PIK3R3: variants seen among roughly 807,000 people sequenced by gnomAD.
PIK3R3 encodes the protein phosphatidylinositol 3-kinase regulatory subunit gamma.
PIK3R3 carries 64 observed loss-of-function variants against 62.9 expected under a neutral mutation model. The observed-to-expected ratio is 1.02, with a 90% CI of 0.83 to 1.25. PIK3R3 has a LOEUF of 1.25. PIK3R3 is among the 50% of genes most tolerant of loss of function. PIK3R3 has a pLI of 0.00. For synonymous variants in PIK3R3, 165 were observed against 189.0 expected (o/e 0.87, Z 1.04); for missense variants, 614 against 561.6 (o/e 1.09, Z -0.94).
At chr1:46,142,976 T>G in the PIK3R3 span, among the ~76,000 whole-genome samples, 2 of 152,206 alleles carry the variant, frequency 1.3e-5, no homozygotes, top group Non-Finnish European at 2.9e-5. Flanking sequence ...TGCAACAACG[T>G]GGGCAAACGA....
upstream of PIK3R3, chr1:46,132,949 G>C (rs1262234004): frequency 1.7e-5 from 19 of 1,148,106 alleles, no homozygotes; most frequent in Non-Finnish European, 2.0e-5. Context: ...CACTCCAGGA[G>C]TCAGTGCCGG....
intron 1 of PIK3R3, among the ~76,000 whole-genome samples, chr1:46,090,304 G>A (rs1209917692): frequency 2.7e-5 from 4 of 145,914 alleles, no homozygotes; most frequent in South Asian, 4.4e-4. Context: ...GCTGTTCTAC[G>A]CAGTCTTTTT....
intron 1 of PIK3R3, among the ~76,000 whole-genome samples, chr1:46,096,157 G>A (rs573321100): frequency 2.8e-4 from 42 of 152,218 alleles, no homozygotes; most frequent in Non-Finnish European, 4.4e-4. Flanking sequence ...ATACACTTAC[G>A]TCATTCAAAT....
chr1:46,080,254 G>A (rs944396700), intron 2 of PIK3R3, among the ~76,000 whole-genome samples: 4 of 151,294 alleles, frequency 2.6e-5, no homozygotes, highest in African/African-American at 9.7e-5. Context: ...TAGAGACAGG[G>A]TTTCACTGTG....
chr1:46,139,647 C>T, the PIK3R3 span, among the ~76,000 whole-genome samples: 4 of 152,192 alleles, frequency 2.6e-5, no homozygotes, highest in Non-Finnish European at 5.9e-5. Flanking sequence ...TCCCTAAGAC[C>T]ATAAGATCAG....
At chr1:46,173,696 G>C in the PIK3R3 span, among the ~76,000 whole-genome samples, 4 of 151,154 alleles carry the variant, frequency 2.6e-5, no homozygotes, top group Admixed American at 6.6e-5. Context: ...GAACCTGAAG[G>C]GGGAGGGGCA....
intron 6 of PIK3R3, among the ~76,000 whole-genome samples, chr1:46,061,486 C>T (rs950895585): frequency 3.9e-5 from 6 of 152,120 alleles, no homozygotes; most frequent in Middle Eastern, 3.2e-3. Context: ...AAAAAATATT[C>T]GATGAGCACC....
the PIK3R3 span, among the ~76,000 whole-genome samples, chr1:46,152,687 C>T: frequency 1.3e-5 from 2 of 151,882 alleles, no homozygotes; most frequent in Admixed American, 1.3e-4. Context: ...CTCAGCCTCC[C>T]GAGTAGCTGG....
rs1164245978 is a variant in PIK3R3 at position 46,092,809 on chromosome 1, C to T, written c.107-12059G>A. Among the ~76,000 whole-genome samples, 4 of 72,710 alleles carry T rather than the reference C, an allele frequency of 5.5e-5. No homozygotes were observed. The East Asian group carries it at 1.4e-3, about 26-fold the overall frequency. 47.7% of individuals were successfully genotyped at this position (72,710 alleles called of 152,430 possible). ...CTTAGTACTTTCTTTCTATCCCATACTGGTCTTCATTTCTCTCTCTCTCAA... is the reference window on the plus strand; with the variant it reads ...CTTAGTACTTTCTTTCTATCCCATATTGGTCTTCATTTCTCTCTCTCTCAA... On this transcript the variant is annotated intron_variant, in intron 1 of 9. Coordinates refer to ENST00000262741, the MANE Select transcript of PIK3R3 (RefSeq NM_003629.4).
Position 46,128,860 on chromosome 1 carries a change from C to G in PIK3R3, c.106+2987G>C, listed in dbSNP as rs564519463. ...CTTTGGGAGGCCGAGGCAGGCAGAT[C>G]ACCTGAGGTCAGGAGTTCGATATCA... On this transcript the variant is annotated intron_variant, in intron 1 of 9. Coordinates refer to ENST00000262741, the MANE Select transcript of PIK3R3 (RefSeq NM_003629.4). Among the ~76,000 whole-genome samples the G allele has an allele frequency of 2.7e-4, 41 of 152,324 alleles. No individual in the cohort carries two copies. The South Asian group carries it at 8.1e-3, about 30-fold the overall frequency.
intron 1 of PIK3R3, among the ~76,000 whole-genome samples, chr1:46,087,250 G>C (rs1651153893): frequency 6.6e-6 from 1 of 151,246 alleles, no homozygotes; most frequent in African/African-American, 2.4e-5. Flanking sequence ...ATGTACTCTA[G>C]AACTTAAAGT....
Position 46,040,384 on chromosome 1 carries a change from A to G in PIK3R3, c.*3289T>C, listed in dbSNP as rs933937826. 1 of 231,320 alleles carries G rather than the reference A, an allele frequency of 4.3e-6. No homozygotes were observed. Among genetic ancestry groups the G allele is most frequent in the Non-Finnish European group, 8.6e-6 (1 of 116,746 alleles). The allele number at this position is 231,320 out of a possible 1,614,324, so 14.3% of individuals were successfully genotyped here. On this transcript the variant is annotated 3_prime_UTR_variant, in exon 10 of 10. Transcript: ENST00000262741. ...TACAGTTGGCTTTCTTGTGAGTCAG[A>G]TATTTTTACGTAAACTACACGAATT... is the stretch of plus-strand genomic sequence containing the variant.
At chr1:46,109,162 CA>C (rs758453256) in intron 1 of PIK3R3, among the ~76,000 whole-genome samples, 4,945 of 70,132 alleles carry the variant, frequency 0.071, 235 homozygotes, top group African/African-American at 0.2. Context: ...GACTCTGTCT[CA>C]AAAAAAAAAA....
chr1:46,099,820 C>T (rs568429113), intron 1 of PIK3R3, among the ~76,000 whole-genome samples: 2 of 152,274 alleles, frequency 1.3e-5, no homozygotes, highest in Admixed American at 6.5e-5. Flanking sequence ...CTAGTTGATA[C>T]TCCACTGTCC....
chr1:46,047,052 T>C (rs1647134089), intron 7 of PIK3R3: 1 of 163,218 alleles, frequency 6.1e-6, no homozygotes, highest in South Asian at 2.0e-4. Context: ...AACTAAAAAC[T>C]TCAAGATCTA....
chr1:46,141,223 A>C, the PIK3R3 span, among the ~76,000 whole-genome samples: 1 of 151,784 alleles, frequency 6.6e-6, no homozygotes, highest in Non-Finnish European at 1.5e-5. Flanking sequence ...AGGAAATGAT[A>C]CAACCACCAT....
chr1:46,065,106 A>C (rs1001626661), intron 5 of PIK3R3, among the ~76,000 whole-genome samples: 1 of 152,218 alleles, frequency 6.6e-6, no homozygotes, highest in Non-Finnish European at 1.5e-5. Context: ...GACAATGTAC[A>C]TGAGAAATAC....
chr1:46,157,226 T>C, the PIK3R3 span, among the ~76,000 whole-genome samples: 1 of 152,192 alleles, frequency 6.6e-6, no homozygotes, highest in African/African-American at 2.4e-5. Context: ...TTCTGCCTCC[T>C]GGGCTCAAGC....
chr1:46,084,222 A>C (rs1650869202), intron 1 of PIK3R3, among the ~76,000 whole-genome samples: 1 of 152,196 alleles, frequency 6.6e-6, no homozygotes, highest in East Asian at 1.9e-4. Context: ...ATAGAGACGG[A>C]AAGTAAATCA....
Sources: gnomAD v4.1 joint callset for allele counts (sites outside exome capture counted in the v4.1 genomes callset) on GRCh38, gnomAD v4.1.1 for gene constraint, MANE v1.5 for transcripts, NCBI Gene and HGNC (gene_info 2026-07-23, HGNC 2026-07-21) for gene names.